LINGO2: variants seen among roughly 807,000 people sequenced by gnomAD.
LINGO2 encodes leucine-rich repeat and immunoglobulin-like domain-containing nogo receptor-interacting protein 2.
LINGO2 carries 14 observed loss-of-function variants against 30.6 expected under a neutral mutation model. That is an observed-to-expected ratio of 0.46 (90% CI 0.30 to 0.72). LINGO2 has a LOEUF of 0.72. LINGO2 is among the 30% of genes least tolerant of loss of function. The pLI is 0.07. For synonymous variants in LINGO2, 317 were observed against 288.5 expected (o/e 1.10, Z -1.00); for missense variants, 729 against 751.7 (o/e 0.97, Z 0.35).
chr9:28,685,087 T>C, the LINGO2 span, among the ~76,000 whole-genome samples: 2 of 152,204 alleles, frequency 1.3e-5, no homozygotes, highest in African/African-American at 4.8e-5. Context: ...GTATCTGGTT[T>C]CCTGTTCCTG....
intron 2 of LINGO2, among the ~76,000 whole-genome samples, chr9:28,436,509 A>C (rs545541512): frequency 9.9e-5 from 15 of 151,510 alleles, no homozygotes; most frequent in Non-Finnish European, 1.8e-4. Flanking sequence ...CAAGGCTGGA[A>C]TGCAGTGGCG....
chr9:28,125,895 T>C (rs956895009), intron 4 of LINGO2, among the ~76,000 whole-genome samples: 1 of 152,190 alleles, frequency 6.6e-6, no homozygotes, highest in Admixed American at 6.5e-5. Flanking sequence ...GCCAGCATAT[T>C]TATCCCATCA....
chr9:28,276,353 T>A lies in LINGO2; in HGVS notation c.-87+18855A>T, dbSNP rs564702118. 2.0e-5 allele frequency among the ~76,000 whole-genome samples: 3 copies of A among 152,292 alleles called. No homozygotes were observed. The South Asian group carries it at 6.2e-4, about 32-fold the overall frequency. On this transcript the variant is annotated intron_variant, in intron 4 of 5. Transcript: ENST00000379992. ...GTCTTCTCTCATCTTTATCTTTCAG[T>A]ACCATCCTTCCCTCATCTATTCTTA...
At chr9:28,211,036 G>C (rs1820572542) in intron 4 of LINGO2, among the ~76,000 whole-genome samples, 1 of 151,408 alleles carries the variant, frequency 6.6e-6, no homozygotes, top group South Asian at 2.1e-4. Context: ...AGTTGATTGA[G>C]AAAATGCAAA....
chr9:28,382,505 A>C (rs542532704), intron 2 of LINGO2, among the ~76,000 whole-genome samples: 1 of 152,296 alleles, frequency 6.6e-6, no homozygotes, highest in East Asian at 1.9e-4. Context: ...TTAGCTGAAC[A>C]GCAATTAAAC....
the LINGO2 span, among the ~76,000 whole-genome samples, chr9:28,701,509 T>A: frequency 6.6e-6 from 1 of 152,044 alleles, no homozygotes; most frequent in South Asian, 2.1e-4. Context: ...GTTCGATCGA[T>A]CTGTCTATTC....
At chr9:28,243,814 A>C (rs1821898348) in intron 4 of LINGO2, among the ~76,000 whole-genome samples, 1 of 152,210 alleles carries the variant, frequency 6.6e-6, no homozygotes, top group Admixed American at 6.5e-5. Context: ...AAGAGCACCC[A>C]GATTCATAAA....
intron 4 of LINGO2, among the ~76,000 whole-genome samples, chr9:28,022,831 G>C (rs1823197625): frequency 6.6e-6 from 1 of 151,372 alleles, no homozygotes; most frequent in South Asian, 2.1e-4. Context: ...TATACCTTTT[G>C]AAATTGTCCT....
intron 2 of LINGO2, among the ~76,000 whole-genome samples, chr9:28,437,354 G>T (rs904968504): frequency 1.3e-5 from 2 of 152,080 alleles, no homozygotes; most frequent in Admixed American, 6.5e-5. Flanking sequence ...TGGGTCTTCA[G>T]CATCTGACTG....
At chr9:28,177,818 G>A (rs1170251627) in intron 4 of LINGO2, among the ~76,000 whole-genome samples, 2 of 152,140 alleles carry the variant, frequency 1.3e-5, no homozygotes, top group Admixed American at 1.3e-4. Context: ...TTTTATAGAT[G>A]AGGAAACTGA....
chr9:28,649,267 T>C (rs372846546), intron 1 of LINGO2, among the ~76,000 whole-genome samples: 8 of 152,250 alleles, frequency 5.3e-5, no homozygotes, highest in African/African-American at 1.7e-4. Context: ...CCAAACATTC[T>C]AATAGCAATA....
intron 1 of LINGO2, among the ~76,000 whole-genome samples, chr9:28,593,038 T>A (rs1434707561): frequency 6.6e-6 from 1 of 152,058 alleles, no homozygotes; most frequent in Non-Finnish European, 1.5e-5. Flanking sequence ...GGAATGGGGA[T>A]GCATTATATT....
chr9:28,945,847 C>T, the LINGO2 span, among the ~76,000 whole-genome samples: 1 of 152,110 alleles, frequency 6.6e-6, no homozygotes, highest in Non-Finnish European at 1.5e-5. Flanking sequence ...TTGCTTCTGG[C>T]ATGGTAATAA....
the LINGO2 span, among the ~76,000 whole-genome samples, chr9:29,121,188 C>G: frequency 2.0e-5 from 3 of 152,230 alleles, no homozygotes; most frequent in Non-Finnish European, 4.4e-5. Flanking sequence ...CACAGATGAG[C>G]TGAGGCTCAA....
the LINGO2 span, among the ~76,000 whole-genome samples, chr9:28,722,537 T>G: frequency 2.0e-5 from 3 of 152,182 alleles, no homozygotes; most frequent in East Asian, 5.8e-4. Flanking sequence ...TGACTTAAGA[T>G]AGTCCTGGAG....
At chr9:28,640,760 C>A (rs895668176) in intron 1 of LINGO2, among the ~76,000 whole-genome samples, 1 of 152,042 alleles carries the variant, frequency 6.6e-6, no homozygotes, top group Non-Finnish European at 1.5e-5. Context: ...ACTTCTTTGC[C>A]ATGGGTTCGA....
At chr9:28,996,766 A>G in the LINGO2 span, among the ~76,000 whole-genome samples, 1 of 152,230 alleles carries the variant, frequency 6.6e-6, no homozygotes, top group Non-Finnish European at 1.5e-5. Flanking sequence ...CTGTAATTCA[A>G]TGATACCTCA....
At chr9:28,018,390 G>A (rs1822946978) in intron 4 of LINGO2, among the ~76,000 whole-genome samples, 1 of 152,066 alleles carries the variant, frequency 6.6e-6, no homozygotes, top group Non-Finnish European at 1.5e-5. Context: ...CTTCTGCACA[G>A]CCGATACAGA....
intron 4 of LINGO2, among the ~76,000 whole-genome samples, chr9:28,270,635 A>G (rs941892842): frequency 2.0e-4 from 31 of 152,162 alleles, no homozygotes; most frequent in African/African-American, 7.0e-4. Flanking sequence ...AGCAGCTGGT[A>G]TATGAGCTGC....
Sources: gnomAD v4.1 joint callset for allele counts (sites outside exome capture counted in the v4.1 genomes callset) on GRCh38, gnomAD v4.1.1 for gene constraint, MANE v1.5 for transcripts, NCBI Gene and HGNC (gene_info 2026-07-23, HGNC 2026-07-21) for gene names.